The following PRKCA variants were observed in gnomAD, a reference collection of about 807,000 sequenced individuals.
PRKCA encodes the protein protein kinase C alpha type.
In PRKCA, 27 loss-of-function variants were observed where a neutral mutation model predicts 87.0. The ratio of observed to expected loss-of-function variants is 0.31; its 90% CI spans 0.23 to 0.43. The LOEUF is 0.43. Among genes scored for constraint, PRKCA ranks in the 20% least tolerant of loss-of-function variants. PRKCA has a pLI of 1.00. For synonymous variants in PRKCA, 329 were observed against 311.1 expected (o/e 1.06, Z -0.61); for missense variants, 518 against 852.3 (o/e 0.61, Z 4.88).
chr17:66,725,674 G>A (rs1254211714), intron 8 of PRKCA, among the ~76,000 whole-genome samples: 2 of 152,016 alleles, frequency 1.3e-5, no homozygotes, highest in African/African-American at 4.8e-5. Flanking sequence ...GCTGGGTGTG[G>A]TGATGTATGC....
At chr17:66,623,764 C>G (rs942464177) in intron 3 of PRKCA, among the ~76,000 whole-genome samples, 3 of 152,062 alleles carry the variant, frequency 2.0e-5, no homozygotes, top group South Asian at 2.1e-4. Context: ...CCCCTTTAAC[C>G]GAGAGAGTCA....
intron 3 of PRKCA, among the ~76,000 whole-genome samples, chr17:66,547,325 G>A (rs1439466789): frequency 6.6e-6 from 1 of 152,096 alleles, no homozygotes; most frequent in African/African-American, 2.4e-5. Context: ...GCCCTGCTAT[G>A]GATGACACAC....
intron 3 of PRKCA, among the ~76,000 whole-genome samples, chr17:66,614,980 G>A (rs562694929): frequency 6.6e-6 from 1 of 152,194 alleles, no homozygotes; most frequent in East Asian, 1.9e-4. Context: ...GTGGGCCAGG[G>A]CTTCAGAGCA....
At chr17:66,798,391 G>C in intron 16 of PRKCA, among the ~76,000 whole-genome samples, 1 of 122,860 alleles carries the variant, frequency 8.1e-6, no homozygotes, top group African/African-American at 3.8e-5. Context: ...TGGTGGTGGT[G>C]GTGGTGGTGG....
intron 13 of PRKCA, among the ~76,000 whole-genome samples, chr17:66,758,462 A>G (rs1395872978): frequency 3.9e-5 from 6 of 152,228 alleles, no homozygotes; most frequent in Non-Finnish European, 7.3e-5. Flanking sequence ...TAGACACAAT[A>G]CAGATGGTCC....
chr17:66,545,288 G>T (rs967093857), intron 3 of PRKCA, among the ~76,000 whole-genome samples: 1 of 152,264 alleles, frequency 6.6e-6, no homozygotes, highest in South Asian at 2.1e-4. Flanking sequence ...AATTAGCCAG[G>T]CGTGGTGGCG....
At chr17:66,342,250 C>T (rs920400103) in intron 2 of PRKCA, among the ~76,000 whole-genome samples, 20 of 151,830 alleles carry the variant, frequency 1.3e-4, no homozygotes, top group Admixed American at 2.6e-4. Flanking sequence ...GGTGAAACCC[C>T]GTCTCTACTA....
chr17:66,423,925 G>A (rs939604107), intron 2 of PRKCA, among the ~76,000 whole-genome samples: 1 of 151,930 alleles, frequency 6.6e-6, no homozygotes, highest in Non-Finnish European at 1.5e-5. Flanking sequence ...TTAGCTAATA[G>A]AATCAAGTGC....
chr17:66,479,736 TACCAA>T (rs1915693712), intron 2 of PRKCA, among the ~76,000 whole-genome samples: 1 of 152,156 alleles, frequency 6.6e-6, no homozygotes, highest in Admixed American at 6.5e-5. Context: ...CAATTATCCT[TACCAA>T]ACTAACACAG....
At chr17:66,736,244 G>A (rs561885261) in intron 10 of PRKCA, among the ~76,000 whole-genome samples, 1 of 150,254 alleles carries the variant, frequency 6.7e-6, no homozygotes, top group South Asian at 2.1e-4. Context: ...TCAGACTTTG[G>A]GATACAAAAA....
At chr17:66,573,015 A>G (rs1225398856) in intron 3 of PRKCA, among the ~76,000 whole-genome samples, 1 of 152,026 alleles carries the variant, frequency 6.6e-6, no homozygotes, top group East Asian at 1.9e-4. Flanking sequence ...AAAAGTATGT[A>G]TTTGTTTTTG....
intron 3 of PRKCA, among the ~76,000 whole-genome samples, chr17:66,514,893 A>G (rs1966915633): frequency 6.6e-6 from 1 of 152,056 alleles, no homozygotes; most frequent in African/African-American, 2.4e-5. Flanking sequence ...GTTTATCTGG[A>G]TGGTTTTGTT....
intron 2 of PRKCA, among the ~76,000 whole-genome samples, chr17:66,492,640 T>C (rs1916295622): frequency 6.6e-6 from 1 of 152,218 alleles, no homozygotes; most frequent in Non-Finnish European, 1.5e-5. Flanking sequence ...CTTTTTCCTT[T>C]GGTAATTTAT....
chr17:66,618,514 T>C (rs571680485), intron 3 of PRKCA, among the ~76,000 whole-genome samples: 1 of 152,294 alleles, frequency 6.6e-6, no homozygotes, highest in Non-Finnish European at 1.5e-5. Context: ...CCCATTATAA[T>C]GAATTTTTAA....
chr17:66,681,982 C>A (rs917251158), intron 5 of PRKCA, among the ~76,000 whole-genome samples: 2 of 152,226 alleles, frequency 1.3e-5, no homozygotes, highest in Non-Finnish European at 2.9e-5. Flanking sequence ...CATTGCCTAG[C>A]CTGCACTGTG....
At chr17:66,579,322 G>A (rs1289679057) in intron 3 of PRKCA, among the ~76,000 whole-genome samples, 2 of 152,138 alleles carry the variant, frequency 1.3e-5, no homozygotes, top group East Asian at 1.9e-4. Flanking sequence ...GCTGGAATTT[G>A]GGTAGGAAAT....
At chr17:66,452,582 A>G (rs1336307025) in intron 2 of PRKCA, among the ~76,000 whole-genome samples, 1 of 152,178 alleles carries the variant, frequency 6.6e-6, no homozygotes, top group East Asian at 1.9e-4. Context: ...GCTTGTTCCT[A>G]TTGCACTGAA....
At chr17:66,437,735 C>CGGG (rs1233106338) in intron 2 of PRKCA, among the ~76,000 whole-genome samples, 34 of 5,590 alleles carry the variant, frequency 6.1e-3, no homozygotes, top group Admixed American at 0.011. Flanking sequence ...TTTTTTTGAG[C>CGGG]GGGGGGTGGG....
At chr17:66,602,703 G>A (rs1042788768) in intron 3 of PRKCA, among the ~76,000 whole-genome samples, 1 of 152,244 alleles carries the variant, frequency 6.6e-6, no homozygotes, top group Non-Finnish European at 1.5e-5. Flanking sequence ...ATCTGAACAT[G>A]TAGCAGGCGT....
Sources: gnomAD v4.1 joint callset for allele counts (sites outside exome capture counted in the v4.1 genomes callset) on GRCh38, gnomAD v4.1.1 for gene constraint, MANE v1.5 for transcripts, NCBI Gene and HGNC (gene_info 2026-07-23, HGNC 2026-07-21) for gene names.